Variants in OSBPL10 observed in about 807,000 individuals in gnomAD.
The protein encoded by OSBPL10 is oxysterol-binding protein-related protein 10.
In OSBPL10, 49 loss-of-function variants were observed where a neutral mutation model predicts 81.7. The ratio of observed to expected loss-of-function variants is 0.60; its 90% CI spans 0.48 to 0.76. The LOEUF is 0.76. OSBPL10 is among the 30% of genes least tolerant of loss of function. The pLI, the probability that OSBPL10 is intolerant of heterozygous loss-of-function variation, is 0.00. For missense variants in OSBPL10, 923 were observed against 987.8 expected (o/e 0.93, Z 0.88); for synonymous variants, 419 against 383.6 (o/e 1.09, Z -1.08).
At chr3:31,991,217 G>A (rs1277198043) in intron 2 of OSBPL10, 13 of 472,420 alleles carry the variant, frequency 2.8e-5, no homozygotes, top group Non-Finnish European at 3.1e-5. Flanking sequence ...AGGTCAAGAC[G>A]GATAGATCAC....
Position 31,933,967 on chromosome 3 carries a change from T to C in OSBPL10, c.281+46932A>G, listed in dbSNP as rs139605641. On this transcript the variant is annotated intron_variant, in intron 1 of 11. Coordinates refer to ENST00000396556, the MANE Select transcript of OSBPL10 (RefSeq NM_017784.5). The stretch of plus-strand genomic sequence containing the variant: ...TCATTCAAAGGAAATTAAACATCTC[T>C]GATAGTATGACGAAAATAAATGTAC... Among the ~76,000 whole-genome samples the C allele has an allele frequency of 4.0e-3, 615 of 151,928 alleles. 2 individuals are homozygous for C. The highest frequency in any genetic ancestry group is 0.014 in the African/African-American group (581 of 41,440).
At chr3:31,889,442 T>C (rs929509546) in intron 1 of OSBPL10, among the ~76,000 whole-genome samples, 1 of 152,156 alleles carries the variant, frequency 6.6e-6, no homozygotes, top group African/African-American at 2.4e-5. Context: ...ATGTGGTCTA[T>C]ATACACAATG....
intron 6 of OSBPL10, chr3:31,714,598 A>C (rs1039381671): frequency 6.6e-6 from 1 of 152,436 alleles, no homozygotes; most frequent in African/African-American, 2.4e-5. Flanking sequence ...GGCCGTTCTC[A>C]TCTCAGCTCC....
chr3:31,890,068 G>A (rs1438288962), intron 1 of OSBPL10, among the ~76,000 whole-genome samples: 1 of 151,878 alleles, frequency 6.6e-6, no homozygotes, highest in Admixed American at 6.6e-5. Context: ...TGAAGGTCAG[G>A]AAGTCGGAAA....
chr3:31,670,809 C>T lies in OSBPL10; in HGVS notation c.1901G>A (p.Gly634Glu), dbSNP rs763992504. 10 of 1,613,712 alleles carry T rather than the reference C, an allele frequency of 6.2e-6. No homozygotes were observed. The highest frequency in any genetic ancestry group is 8.5e-6 in the Non-Finnish European group (10 of 1,179,782). ...VIFHTKPFYG[G>E]KVHRVTAEVK... ...GGCCAGCTCCTACCTGTGGACTTTC[C>T]CTCCATAGAAAGGCTTCGTGTGGAA... Residue 634 changes from glycine (G) to glutamate (E), a missense_variant, in exon 9 of 12, where the codon GGG becomes GAG. Physicochemically the swap from Gly to Glu is moderately conservative, Grantham distance 98. Around this residue, in one of 3 missense-constraint regions of OSBPL10, gnomAD observed 387 missense variants for 436.3 expected, o/e 0.89. Transcript: ENST00000396556.
chr3:31,771,319 C>A (rs1014869318), intron 4 of OSBPL10, among the ~76,000 whole-genome samples: 2 of 152,128 alleles, frequency 1.3e-5, no homozygotes, highest in Non-Finnish European at 2.9e-5. Context: ...GCTGAACAGG[C>A]AGGCCTCCAT....
At chr3:31,885,291 ACT>A (rs1325648476) in intron 1 of OSBPL10, among the ~76,000 whole-genome samples, 6 of 152,076 alleles carry the variant, frequency 3.9e-5, no homozygotes, top group Non-Finnish European at 5.9e-5. Context: ...ACATGTTCAC[ACT>A]CACATACTCA....
At chr3:31,771,643 G>A (rs1210771721) in intron 4 of OSBPL10, among the ~76,000 whole-genome samples, 1 of 152,062 alleles carries the variant, frequency 6.6e-6, no homozygotes, top group East Asian at 1.9e-4. Flanking sequence ...CTGTCACCTG[G>A]ACCCATCTAG....
Position 32,026,057 on chromosome 3 carries a change from T to TGATAGATAGATAGATGATTGATA in OSBPL10, n.298+20433_298+20434insTATCAATCATCTATCTATCTATC, listed in dbSNP as rs1553649757. Among the ~76,000 whole-genome samples, 291 of 111,330 alleles carry TGATAGATAGATAGATGATTGATA rather than the reference T, an allele frequency of 2.6e-3. 4 individuals carry two copies. The highest frequency in any genetic ancestry group is 0.026 in the East Asian group (80 of 3,116). The allele number at this position is 111,330 out of a possible 152,430, so 73.0% of individuals were successfully genotyped here. ...ATAGATAGATAGATAGATAGATAGA[T>TGATAGATAGATAGATGATTGATA]GATAGATAGATAGATAGATAGATAG... On this transcript the variant is annotated intron_variant and non_coding_transcript_variant, in intron 2 of 3. Transcript: ENST00000479173.
At chr3:31,932,026 A>G (rs1697263698) in intron 1 of OSBPL10, among the ~76,000 whole-genome samples, 1 of 152,180 alleles carries the variant, frequency 6.6e-6, no homozygotes, top group South Asian at 2.1e-4. Context: ...TGGGCAATAC[A>G]GCGAGACTCT....
At chr3:31,820,747 C>G (rs1199587533) in intron 4 of OSBPL10, among the ~76,000 whole-genome samples, 1 of 152,198 alleles carries the variant, frequency 6.6e-6, no homozygotes, top group Non-Finnish European at 1.5e-5. Context: ...GGCCCAAGTT[C>G]CCCCTTGCTT....
chr3:31,774,428 G>C (rs904543693), intron 4 of OSBPL10, among the ~76,000 whole-genome samples: 1 of 152,186 alleles, frequency 6.6e-6, no homozygotes, highest in Non-Finnish European at 1.5e-5. Flanking sequence ...CACAGGTGAA[G>C]GTACAGTGTC....
chr3:31,972,217 C>T (rs566864960), intron 1 of OSBPL10, among the ~76,000 whole-genome samples: 30 of 152,234 alleles, frequency 2.0e-4, no homozygotes, highest in Admixed American at 3.9e-4. Context: ...GATGAAACCC[C>T]GTCTCTACTA....
intron 8 of OSBPL10, among the ~76,000 whole-genome samples, chr3:31,677,538 G>A (rs1318083596): frequency 1.3e-5 from 2 of 152,192 alleles, no homozygotes. Context: ...ATTCTGAGTG[G>A]CATTTTCAAG....
intron 1 of OSBPL10, among the ~76,000 whole-genome samples, chr3:32,052,344 T>C (rs1699676334): frequency 6.6e-6 from 1 of 152,198 alleles, no homozygotes. Context: ...TGTCATAAAC[T>C]GCTTCTTTGA....
At chr3:31,703,941 T>C (rs1395116352) in intron 6 of OSBPL10, 2 of 152,214 alleles carry the variant, frequency 1.3e-5, no homozygotes, top group African/African-American at 2.4e-5. Flanking sequence ...GAGGAATCCT[T>C]ACCTATGCTA....
At chr3:32,034,442 G>GAA (rs34903839) in intron 2 of OSBPL10, among the ~76,000 whole-genome samples, 87,348 of 130,198 alleles carry the variant, frequency 0.67, 31,539 homozygotes, top group South Asian at 0.79. Context: ...CCCTGTAGCG[G>GAA]AAAAAAAAAA....
In OSBPL10 at chr3:31,668,573, C is replaced by G. The variant is rs1284990611; in HGVS notation, c.2096+69G>C. On this transcript the variant is annotated intron_variant, in intron 10 of 11. Transcript: ENST00000396556. ...GTCGCTAAGTTTCAAAGTCTTCTTT[C>G]TTCTCTGTCCCTTGAGTCAGGTGCC... is the stretch of plus-strand genomic sequence containing the variant. The G allele has an allele frequency of 3.6e-6, 5 of 1,390,752 alleles. No individual in the cohort carries two copies. In the African/African-American group the frequency reaches 7.2e-5, roughly 20 times the overall value. The allele number at this position is 1,390,752 out of a possible 1,614,324, so 86.2% of individuals were successfully genotyped here.
intron 4 of OSBPL10, among the ~76,000 whole-genome samples, chr3:31,823,279 C>T (rs1185849513): frequency 1.3e-5 from 2 of 152,216 alleles, no homozygotes; most frequent in Admixed American, 6.5e-5. Flanking sequence ...AGCTAGAGAA[C>T]GAGTCCTTAA....
Sources: gnomAD v4.1 joint callset for allele counts (sites outside exome capture counted in the v4.1 genomes callset) on GRCh38, gnomAD v4.1.1 for gene constraint, gnomAD v4.1.1 regional missense constraint, MANE v1.5 for transcripts, NCBI Gene and HGNC (gene_info 2026-07-23, HGNC 2026-07-21) for gene names.